Variants in FHIT observed in about 807,000 individuals in gnomAD.
FHIT encodes the protein fragile histidine triad diadenosine triphosphatase.
FHIT carries 19 observed loss-of-function variants against 17.9 expected under a neutral mutation model. The observed-to-expected ratio is 1.06, with a 90% CI of 0.74 to 1.56. The LOEUF (loss-of-function observed/expected upper bound fraction) is 1.56. Ranked by LOEUF, FHIT falls within the 40% of genes most tolerant of loss-of-function variation. FHIT has a pLI of 0.00. For synonymous variants in FHIT, 81 were observed against 69.7 expected (o/e 1.16, Z -0.81); for missense variants, 248 against 189.2 (o/e 1.31, Z -1.82).
intron 5 of FHIT, among the ~76,000 whole-genome samples, chr3:60,025,599 T>G (rs112172595): frequency 5.1e-4 from 77 of 152,278 alleles, no homozygotes; most frequent in African/African-American, 1.6e-3. Flanking sequence ...TTTAATCTGA[T>G]TCAGCAGTGA....
At chr3:60,785,802 T>C (rs1700545479) in intron 4 of FHIT, among the ~76,000 whole-genome samples, 1 of 152,028 alleles carries the variant, frequency 6.6e-6, no homozygotes, top group Non-Finnish European at 1.5e-5. Flanking sequence ...ATGGGTGCTG[T>C]AGGAGACAGA....
intron 5 of FHIT, among the ~76,000 whole-genome samples, chr3:60,349,853 C>T (rs1309280119): frequency 6.6e-6 from 1 of 152,138 alleles, no homozygotes; most frequent in African/African-American, 2.4e-5. Flanking sequence ...TAACTAACAT[C>T]ACATAGCCCC....
intron 3 of FHIT, among the ~76,000 whole-genome samples, chr3:60,873,955 T>C (rs1311865299): frequency 1.3e-5 from 2 of 152,142 alleles, no homozygotes; most frequent in Non-Finnish European, 2.9e-5. Flanking sequence ...CAAGTGCCTA[T>C]AGTAAAAATA....
chr3:60,962,672 C>CT (rs1709517812), intron 3 of FHIT, among the ~76,000 whole-genome samples: 1 of 152,186 alleles, frequency 6.6e-6, no homozygotes, highest in Non-Finnish European at 1.5e-5. Context: ...GCCTTTTCTG[C>CT]ATCTACTGAG....
chr3:59,807,105 C>T (rs72888505), intron 8 of FHIT, among the ~76,000 whole-genome samples: 8,177 of 152,184 alleles, frequency 0.054, 543 homozygotes, highest in African/African-American at 0.16. Flanking sequence ...AGAACACACA[C>T]AGATTTCTCT....
chr3:60,349,499 C>A (rs554033059), intron 5 of FHIT, among the ~76,000 whole-genome samples: 1 of 152,222 alleles, frequency 6.6e-6, no homozygotes, highest in East Asian at 1.9e-4. Context: ...CAGACCAATC[C>A]CTACAATTAA....
intron 5 of FHIT, among the ~76,000 whole-genome samples, chr3:60,442,584 G>C (rs566340069): frequency 3.9e-5 from 6 of 152,104 alleles, no homozygotes; most frequent in Non-Finnish European, 8.8e-5. Context: ...GATAGTTGTA[G>C]ATGTGTGGTA....
intron 4 of FHIT, among the ~76,000 whole-genome samples, chr3:60,577,443 G>T (rs181853008): frequency 1.3e-5 from 2 of 152,260 alleles, no homozygotes; most frequent in African/African-American, 4.8e-5. Flanking sequence ...TGAGGATTCA[G>T]ATGTAAAGTG....
chr3:60,725,780 C>T (rs142780758), intron 4 of FHIT, among the ~76,000 whole-genome samples: 2 of 152,242 alleles, frequency 1.3e-5, no homozygotes, highest in East Asian at 3.9e-4. Context: ...ATATTTTGTA[C>T]TTAGTATGTG....
chr3:61,117,451 G>A lies in FHIT; in HGVS notation c.-163-75352C>T, dbSNP rs1315215390. ...GCCAGAAATTGATTTGGAAGAGTAA[G>A]TACACAGTCTGAAAACAGTGTCTGT... On this transcript the variant is annotated intron_variant, in intron 2 of 9. Coordinates refer to ENST00000492590, the MANE Select transcript of FHIT (RefSeq NM_002012.4). 4.6e-5 allele frequency among the ~76,000 whole-genome samples: 7 copies of A among 152,158 alleles called. No individual in the cohort carries two copies. In the East Asian group the frequency reaches 1.3e-3, roughly 29 times the overall value.
chr3:60,834,706 A>T (rs1004808644), intron 3 of FHIT, among the ~76,000 whole-genome samples: 5 of 151,830 alleles, frequency 3.3e-5, no homozygotes, highest in Non-Finnish European at 7.4e-5. Flanking sequence ...AGAAAAAAAA[A>T]ATACAAAACT....
intron 4 of FHIT, among the ~76,000 whole-genome samples, chr3:60,787,064 T>C (rs1553727190): frequency 6.6e-6 from 1 of 151,600 alleles, no homozygotes; most frequent in African/African-American, 2.4e-5. Context: ...TCCTTAAATA[T>C]TTTACTCCTT....
At chr3:60,142,153 T>C (rs1008138197) in intron 5 of FHIT, among the ~76,000 whole-genome samples, 2 of 152,180 alleles carry the variant, frequency 1.3e-5, no homozygotes, top group African/African-American at 4.8e-5. Flanking sequence ...GTCAAGAATG[T>C]AAGATCTAAA....
At chr3:61,243,156 A>G (rs543654803) in intron 1 of FHIT, among the ~76,000 whole-genome samples, 1 of 152,326 alleles carries the variant, frequency 6.6e-6, no homozygotes, top group South Asian at 2.1e-4. Context: ...CGGTTAGGTC[A>G]GATCTCTTTC....
intron 7 of FHIT, among the ~76,000 whole-genome samples, chr3:59,931,974 TA>T (rs3836261): frequency 3.6e-4 from 54 of 151,142 alleles, no homozygotes; most frequent in East Asian, 7.8e-4. Flanking sequence ...TCTTTTCAAG[TA>T]AAAAAAAAGC....
chr3:60,341,385 C>A (rs1164984060), intron 5 of FHIT, among the ~76,000 whole-genome samples: 1 of 152,178 alleles, frequency 6.6e-6, no homozygotes, highest in Non-Finnish European at 1.5e-5. Flanking sequence ...CAAATAAGCA[C>A]TGCATTTAAA....
At chr3:60,943,471 A>AT (rs1242091536) in intron 3 of FHIT, among the ~76,000 whole-genome samples, 1 of 152,064 alleles carries the variant, frequency 6.6e-6, no homozygotes, top group Non-Finnish European at 1.5e-5. Context: ...AATTTCATCT[A>AT]TTTTCTCTTA....
At chr3:60,588,393 C>A (rs1263882515) in intron 4 of FHIT, among the ~76,000 whole-genome samples, 1 of 151,414 alleles carries the variant, frequency 6.6e-6, no homozygotes, top group African/African-American at 2.4e-5. Flanking sequence ...GTGAAAAATG[C>A]CACTCTCTAA....
intron 5 of FHIT, among the ~76,000 whole-genome samples, chr3:60,076,524 C>G (rs931271619): frequency 6.6e-6 from 1 of 152,028 alleles, no homozygotes; most frequent in Non-Finnish European, 1.5e-5. Flanking sequence ...AAGGATTCTT[C>G]TCTTATTCTC....
Sources: allele counts gnomAD v4.1 joint callset (sites outside exome capture counted in the v4.1 genomes callset), GRCh38; gene constraint gnomAD v4.1.1; transcripts MANE v1.5; gene names NCBI Gene and HGNC (gene_info 2026-07-23, HGNC 2026-07-21).